AGBL4: variants seen among roughly 807,000 people sequenced by gnomAD.
AGBL4 encodes AGBL carboxypeptidase 4, also known as cytosolic carboxypeptidase 6.
Under a neutral mutation model 66.4 loss-of-function variants are expected in AGBL4, and 58 were observed. The ratio of observed to expected loss-of-function variants is 0.87; its 90% CI spans 0.71 to 1.09. The LOEUF is 1.09. AGBL4 is among the 50% of genes least tolerant of loss of function. AGBL4 has a pLI of 0.00. For missense variants in AGBL4, 579 were observed against 631.0 expected (o/e 0.92, Z 0.88); for synonymous variants, 234 against 222.9 (o/e 1.05, Z -0.44).
At chr1:49,610,516 T>A (rs140862741) in intron 3 of AGBL4, among the ~76,000 whole-genome samples, 1 of 152,200 alleles carries the variant, frequency 6.6e-6, no homozygotes, top group Non-Finnish European at 1.5e-5. Flanking sequence ...CTGAAATTCA[T>A]GTATTGAAAT....
rs932924108 is a variant in AGBL4 at position 49,095,990 on chromosome 1, C to CA, written c.378-50191dup. ...TCTACAATGAAATCAAACAAATTTACAAAAAAAAACAAACAACCCCATCAA... is the reference window on the plus strand; with the variant it reads ...TCTACAATGAAATCAAACAAATTTACAAAAAAAAAACAAACAACCCCATCAA... On this transcript the variant is annotated intron_variant, in intron 4 of 13. Coordinates refer to ENST00000371839, the MANE Select transcript of AGBL4 (RefSeq NM_032785.4). Among the ~76,000 whole-genome samples, 79 of 149,148 alleles carry CA rather than the reference C, an allele frequency of 5.3e-4. 2 individuals carry two copies. The highest frequency in any genetic ancestry group is 1.2e-3 in the African/African-American group (50 of 40,352).
At chr1:48,806,807 C>G (rs1207719062) in intron 6 of AGBL4, among the ~76,000 whole-genome samples, 5 of 152,168 alleles carry the variant, frequency 3.3e-5, no homozygotes, top group African/African-American at 1.2e-4. Context: ...CAAGGCTTTT[C>G]AGGAAACAGC....
At chr1:48,922,533 C>T (rs1437527712) in intron 5 of AGBL4, among the ~76,000 whole-genome samples, 1 of 152,188 alleles carries the variant, frequency 6.6e-6, no homozygotes, top group Non-Finnish European at 1.5e-5. Flanking sequence ...GTGGCATTCA[C>T]TCTCTCATTG....
rs67290360 is a variant in AGBL4 at position 49,277,737 on chromosome 1, G to GA, written c.283-31874dup. Among the ~76,000 whole-genome samples, 57 of 141,326 alleles carry GA rather than the reference G, an allele frequency of 4.0e-4. 1 individual carries two copies. Among genetic ancestry groups the GA allele is most frequent in the Middle Eastern group, 3.6e-3 (1 of 280 alleles). 92.7% of individuals were successfully genotyped at this position (141,326 alleles called of 152,430 possible). A position where few individuals can be genotyped will look rare whatever the true frequency, so the allele number is the denominator to read the frequency against. On this transcript the variant is annotated intron_variant, in intron 3 of 13. Transcript: ENST00000371839. ...TAAGGTCAAATAAGTTGGCATAGCT[G>GA]AAAAAAAAAAAAAAGACGGGTGTTC...
chr1:48,808,199 G>T lies in AGBL4; in HGVS notation c.634+58992C>A, dbSNP rs576256923. On this transcript the variant is annotated intron_variant, in intron 6 of 13. Transcript: ENST00000371839. ...ATATCAGTTTCCACATCTATAAAATGGAATGGTAATGGTATTGGCTGCTTA... is the reference window on the plus strand; with the variant it reads ...ATATCAGTTTCCACATCTATAAAATTGAATGGTAATGGTATTGGCTGCTTA... Among the ~76,000 whole-genome samples, 6 of 152,266 alleles carry T rather than the reference G, an allele frequency of 3.9e-5. 1 individual carries two copies. In the South Asian group the frequency reaches 1.2e-3, roughly 32 times the overall value.
intron 3 of AGBL4, among the ~76,000 whole-genome samples, chr1:49,333,061 CTTCTT>C (rs1645365599): frequency 6.6e-6 from 1 of 152,084 alleles, no homozygotes. Flanking sequence ...GCATAAATGT[CTTCTT>C]TTGAGAAGTG....
chr1:48,839,046 A>G (rs1646743052), intron 6 of AGBL4, among the ~76,000 whole-genome samples: 1 of 152,148 alleles, frequency 6.6e-6, no homozygotes, highest in Non-Finnish European at 1.5e-5. Context: ...GTGATGACAC[A>G]GAGAAAGGGG....
chr1:49,971,127 G>A lies in AGBL4; in HGVS notation c.34+52636C>T, dbSNP rs528804883. On this transcript the variant is annotated intron_variant, in intron 1 of 13. Transcript: ENST00000371839. Reference sequence around the variant, plus strand: ...TTTATCTGTGGTTTTACTTTTTGGCGTTTCAGTTACCCTGTCAACCTTAGT... The same window carrying A: ...TTTATCTGTGGTTTTACTTTTTGGCATTTCAGTTACCCTGTCAACCTTAGT... Among the ~76,000 whole-genome samples, 10 of 152,192 alleles carry A rather than the reference G, an allele frequency of 6.6e-5. No individual in the cohort carries two copies. The East Asian group carries it at 1.2e-3, about 18-fold the overall frequency.
intron 11 of AGBL4, among the ~76,000 whole-genome samples, chr1:48,562,871 T>C (rs190176544): frequency 2.4e-4 from 37 of 152,338 alleles, no homozygotes; most frequent in Non-Finnish European, 4.4e-4. Flanking sequence ...CCAGGTACCA[T>C]GCTAGACACT....
intron 1 of AGBL4, among the ~76,000 whole-genome samples, chr1:49,940,473 T>C (rs1654630848): frequency 6.6e-6 from 1 of 152,102 alleles, no homozygotes; most frequent in African/African-American, 2.4e-5. Flanking sequence ...AATGATAGAC[T>C]GGATTAAGAA....
chr1:48,692,573 C>G (rs1646650287), intron 6 of AGBL4, among the ~76,000 whole-genome samples: 1 of 152,216 alleles, frequency 6.6e-6, no homozygotes, highest in Non-Finnish European at 1.5e-5. Flanking sequence ...CCCCTCTTCC[C>G]ATCAAGGCAG....
intron 5 of AGBL4, among the ~76,000 whole-genome samples, chr1:48,929,373 A>G (rs1444030419): frequency 2.0e-5 from 3 of 152,066 alleles, no homozygotes; most frequent in Non-Finnish European, 4.4e-5. Context: ...TTTGGCCTTC[A>G]CTTTGTTCCC....
intron 4 of AGBL4, among the ~76,000 whole-genome samples, chr1:49,084,326 C>G (rs1644859358): frequency 6.6e-6 from 1 of 152,168 alleles, no homozygotes; most frequent in Non-Finnish European, 1.5e-5. Context: ...ATTTCACTCT[C>G]ATGGTGCTAA....
intron 6 of AGBL4, among the ~76,000 whole-genome samples, chr1:48,667,141 G>A (rs1034395421): frequency 3.9e-5 from 6 of 152,068 alleles, no homozygotes; most frequent in East Asian, 1.9e-4. Context: ...GTTCATTTCC[G>A]CCTTTCAAGA....
intron 5 of AGBL4, among the ~76,000 whole-genome samples, chr1:48,925,669 GT>G (rs1557467488): frequency 1.3e-5 from 2 of 152,152 alleles, no homozygotes; most frequent in Non-Finnish European, 2.9e-5. Context: ...TAATCTGCAC[GT>G]TTGATACAGA....
chr1:49,670,005 G>A (rs1279805003), intron 3 of AGBL4, among the ~76,000 whole-genome samples: 1 of 152,026 alleles, frequency 6.6e-6, no homozygotes, highest in African/African-American at 2.4e-5. Flanking sequence ...GCATTTAAAT[G>A]CTACTACAAA....
intron 5 of AGBL4, among the ~76,000 whole-genome samples, chr1:48,883,600 A>T (rs1475574925): frequency 5.3e-5 from 8 of 152,182 alleles, no homozygotes; most frequent in Non-Finnish European, 7.3e-5. Flanking sequence ...TACTTTTGCT[A>T]TCATTCTATA....
At chr1:48,717,369 A>G (rs1170804775) in intron 6 of AGBL4, among the ~76,000 whole-genome samples, 1 of 152,216 alleles carries the variant, frequency 6.6e-6, no homozygotes, top group Non-Finnish European at 1.5e-5. Flanking sequence ...AAAATTTTAC[A>G]TACATAGTCA....
At chr1:48,723,769 T>C (rs1647186177) in intron 6 of AGBL4, among the ~76,000 whole-genome samples, 1 of 152,232 alleles carries the variant, frequency 6.6e-6, no homozygotes, top group South Asian at 2.1e-4. Flanking sequence ...TCACACCCAT[T>C]ATATATATCA....
Sources: gnomAD v4.1 joint callset for allele counts (sites outside exome capture counted in the v4.1 genomes callset) on GRCh38, gnomAD v4.1.1 for gene constraint, MANE v1.5 for transcripts, NCBI Gene and HGNC (gene_info 2026-07-23, HGNC 2026-07-21) for gene names.